PXDNL: variants seen among roughly 807,000 people sequenced by gnomAD.
The protein encoded by PXDNL is peroxidasin like, also known as probable oxidoreductase PXDNL.
PXDNL carries 145 observed loss-of-function variants against 150.8 expected under a neutral mutation model. That is an observed-to-expected ratio of 0.96 (90% CI 0.84 to 1.10). PXDNL has a LOEUF of 1.10. PXDNL is among the 50% of genes least tolerant of loss of function. PXDNL has a pLI of 0.00. For missense variants in PXDNL, 2,087 were observed against 1,873.9 expected, an observed-to-expected ratio of 1.11 and a Z score of -2.10; for synonymous variants, 757 against 725.7, an observed-to-expected ratio of 1.04 and a Z score of -0.69.
chr8:51,604,664 T>A lies in PXDNL; in HGVS notation c.237-11966A>T, dbSNP rs185500696. ...TAAAGTATAATAATAATAAAAAAAA[T>A]ACTTAAACATTTGCCCATAAATTTA... On this transcript the variant is annotated intron_variant, in intron 2 of 22. Transcript: ENST00000356297. Among the ~76,000 whole-genome samples, 42 of 152,216 alleles carry A rather than the reference T, an allele frequency of 2.8e-4. No homozygotes were observed. The South Asian group carries it at 6.2e-3, about 23-fold the overall frequency.
At chr8:51,739,111 A>G (rs546450129) in intron 1 of PXDNL, among the ~76,000 whole-genome samples, 272 of 152,230 alleles carry the variant, frequency 1.8e-3, no homozygotes, top group African/African-American at 6.3e-3. Flanking sequence ...AACCACTATA[A>G]CCAAATCACA....
chr8:51,344,245 C>A (rs1806077242), intron 20 of PXDNL, among the ~76,000 whole-genome samples: 1 of 151,762 alleles, frequency 6.6e-6, no homozygotes, highest in Admixed American at 6.6e-5. Flanking sequence ...GCAGGGACTA[C>A]TGGTGTATGC....
intron 1 of PXDNL, among the ~76,000 whole-genome samples, chr8:51,730,003 G>C (rs542031401): frequency 6.6e-6 from 1 of 152,330 alleles, no homozygotes; most frequent in South Asian, 2.1e-4. Flanking sequence ...GGAGCACAGA[G>C]GACTTTTAGG....
At chr8:51,700,523 CACAG>C (rs937066034) in intron 1 of PXDNL, among the ~76,000 whole-genome samples, 3 of 128,572 alleles carry the variant, frequency 2.3e-5, no homozygotes, top group Admixed American at 1.5e-4. Flanking sequence ...AACATATATA[CACAG>C]ACACACACAA....
intron 4 of PXDNL, among the ~76,000 whole-genome samples, chr8:51,533,698 G>T (rs1444866578): frequency 6.6e-6 from 1 of 151,218 alleles, no homozygotes; most frequent in South Asian, 2.1e-4. Context: ...TGTTGGCCGG[G>T]CTGGTCTCCA....
intron 10 of PXDNL, 53 bp from the exon 11 acceptor site, chr8:51,449,171 G>A: frequency 1.0e-6 from 1 of 979,654 alleles, no homozygotes; most frequent in Non-Finnish European, 1.5e-6. Context: ...CAAATTTTCA[G>A]TGCCAATAGA....
chr8:51,664,350 A>G lies in PXDNL; in HGVS notation c.165-9590T>C, dbSNP rs111297107. On this transcript the variant is annotated intron_variant, in intron 1 of 22. Coordinates refer to ENST00000356297, the MANE Select transcript of PXDNL (RefSeq NM_144651.5). ...TCTGGAGAAAGTGAGTTTAAAAGTA[A>G]TAAGATTTAACTTTTCAAATGAATT... Among the ~76,000 whole-genome samples, 843 of 152,310 alleles carry G rather than the reference A, an allele frequency of 5.5e-3. 7 individuals carry two copies. Among genetic ancestry groups the G allele is most frequent in the South Asian group, 0.036 (175 of 4,822 alleles).
chr8:51,459,675 T>A (rs188470247), intron 8 of PXDNL, among the ~76,000 whole-genome samples: 1 of 152,342 alleles, frequency 6.6e-6, no homozygotes, highest in African/African-American at 2.4e-5. Flanking sequence ...AAAATCAAAG[T>A]CTTCATGTTT....
At chr8:51,711,632 A>G (rs1468949233) in intron 1 of PXDNL, among the ~76,000 whole-genome samples, 1 of 152,224 alleles carries the variant, frequency 6.6e-6, no homozygotes, top group Non-Finnish European at 1.5e-5. Flanking sequence ...CATGTATTCT[A>G]TTCTCCAATT....
chr8:51,520,966 A>C (rs1811650339), intron 4 of PXDNL, among the ~76,000 whole-genome samples: 1 of 152,214 alleles, frequency 6.6e-6, no homozygotes. Flanking sequence ...TCATGACTGT[A>C]ATCCCAGCAC....
intron 1 of PXDNL, among the ~76,000 whole-genome samples, chr8:51,686,479 G>A (rs563285224): frequency 2.6e-5 from 4 of 152,190 alleles, no homozygotes; most frequent in Non-Finnish European, 5.9e-5. Flanking sequence ...CCCCAATCGG[G>A]GGGGCAAGGT....
intron 2 of PXDNL, among the ~76,000 whole-genome samples, chr8:51,634,052 C>G (rs562987859): frequency 2.6e-4 from 39 of 152,068 alleles, no homozygotes; most frequent in African/African-American, 9.4e-4. Flanking sequence ...AAATTATTTC[C>G]CAAGTCCAGC....
At chr8:51,423,927 T>TC (rs1491580450) in intron 13 of PXDNL, among the ~76,000 whole-genome samples, 196 bp from the exon 14 acceptor site, 3 of 151,542 alleles carry the variant, frequency 2.0e-5, no homozygotes, top group Non-Finnish European at 4.4e-5. Flanking sequence ...GTGTGGTTTT[T>TC]CTCTCTCTCT....
intron 3 of PXDNL, among the ~76,000 whole-genome samples, chr8:51,581,322 A>G (rs1243509340): frequency 6.6e-6 from 1 of 151,956 alleles, no homozygotes; most frequent in African/African-American, 2.4e-5. Context: ...CCCTATCTCT[A>G]CTAAAAATAC....
chr8:51,534,355 G>A (rs1321611503), intron 4 of PXDNL, among the ~76,000 whole-genome samples: 3 of 146,714 alleles, frequency 2.0e-5, no homozygotes, highest in Non-Finnish European at 3.0e-5. Flanking sequence ...AGGGAGGTGG[G>A]GGGGGGTCAG....
At chr8:51,542,466 G>A (rs191700269) in intron 4 of PXDNL, among the ~76,000 whole-genome samples, 113 of 149,610 alleles carry the variant, frequency 7.6e-4, no homozygotes, top group Non-Finnish European at 1.4e-3. Context: ...CACGAGGGTA[G>A]GGTCCTTGTG....
At chr8:51,528,826 C>T (rs527411519) in intron 4 of PXDNL, among the ~76,000 whole-genome samples, 12 of 152,248 alleles carry the variant, frequency 7.9e-5, no homozygotes, top group South Asian at 2.1e-4. Flanking sequence ...CTTCCACAAC[C>T]GCAAGAAACT....
At chr8:51,579,064 C>T (rs2130620722) in intron 3 of PXDNL, among the ~76,000 whole-genome samples, 1 of 152,118 alleles carries the variant, frequency 6.6e-6, no homozygotes, top group East Asian at 1.9e-4. Context: ...AACTGTGAGA[C>T]TTGACACCAA....
intron 1 of PXDNL, among the ~76,000 whole-genome samples, chr8:51,710,926 A>G (rs1392937842): frequency 6.6e-6 from 1 of 152,220 alleles, no homozygotes; most frequent in Non-Finnish European, 1.5e-5. Flanking sequence ...CCATGGTGAA[A>G]AATGAAAAGC....
Sources: allele counts gnomAD v4.1 joint callset (sites outside exome capture counted in the v4.1 genomes callset), GRCh38; gene constraint gnomAD v4.1.1; transcripts MANE v1.5; gene names NCBI Gene and HGNC (gene_info 2026-07-23, HGNC 2026-07-21).